RBPJ: variants seen among roughly 807,000 people sequenced by gnomAD.
The protein encoded by RBPJ is recombination signal binding protein for immunoglobulin kappa J region, also known as recombining binding protein suppressor of hairless.
In RBPJ, 9 loss-of-function variants were observed where a neutral mutation model predicts 67.8. The ratio of observed to expected loss-of-function variants is 0.13; its 90% confidence interval spans 0.08 to 0.23. The LOEUF is 0.23. Ranked by LOEUF, RBPJ falls within the 10% of genes least tolerant of loss-of-function variation. The pLI, the probability that RBPJ is intolerant of heterozygous loss-of-function variation, is 1.00. For missense variants in RBPJ, 305 were observed against 595.6 expected (o/e 0.51, Z 5.08); for synonymous variants, 198 against 203.3 (o/e 0.97, Z 0.22).
intron 1 of RBPJ, among the ~76,000 whole-genome samples, chr4:26,308,230 C>T (rs1340908469): frequency 2.6e-5 from 4 of 151,818 alleles, no homozygotes; most frequent in Middle Eastern, 3.2e-3. Flanking sequence ...GAGCCGAGAT[C>T]GGGCCACTGC....
chr4:26,254,755 G>A, intron 1 of RBPJ, among the ~76,000 whole-genome samples: 1 of 142,926 alleles, frequency 7.0e-6, no homozygotes, highest in Non-Finnish European at 1.5e-5. Context: ...TCGGCTCACT[G>A]CAGCCTCTGC....
chr4:26,123,830 C>T, the RBPJ span, among the ~76,000 whole-genome samples: 35 of 152,138 alleles, frequency 2.3e-4, no homozygotes, highest in Non-Finnish European at 3.5e-4. Context: ...TCTTGTTCCA[C>T]TGGAAGGTCT....
chr4:26,370,876 C>T (rs1355158337), intron 1 of RBPJ, among the ~76,000 whole-genome samples: 1 of 151,868 alleles, frequency 6.6e-6, no homozygotes, highest in Non-Finnish European at 1.5e-5. Context: ...ATAAGGAGAT[C>T]GAGACAATCC....
intron 1 of RBPJ, chr4:26,272,526 A>T (rs1720948303): frequency 2.0e-5 from 7 of 352,042 alleles, no homozygotes; most frequent in South Asian, 1.7e-4. Context: ...AGCTGTGATC[A>T]TGCCACTTCA....
Position 26,253,972 on chromosome 4 carries a change from T to A in RBPJ, c.-167+90358T>A, listed in dbSNP as rs1288426135. On this transcript the variant is annotated intron_variant, in intron 1 of 4. Coordinates refer to the RBPJ transcript ENST00000512351. ...AAGTGATGATAGTCATGTTTAAAGGTTTTGGAGTTTTGTTTTACTCATACA... is the reference window on the plus strand; with the variant it reads ...AAGTGATGATAGTCATGTTTAAAGGATTTGGAGTTTTGTTTTACTCATACA... Among the ~76,000 whole-genome samples, 3 of 148,856 alleles carry A rather than the reference T, an allele frequency of 2.0e-5. 1 individual carries two copies. The highest frequency in any genetic ancestry group is 5.2e-5 in the African/African-American group (2 of 38,286).
chr4:26,400,316 A>G (rs1424354043), intron 2 of RBPJ, among the ~76,000 whole-genome samples: 1 of 152,226 alleles, frequency 6.6e-6, no homozygotes, highest in African/African-American at 2.4e-5. Context: ...AATTCAAGGA[A>G]GGGTGCTACT....
chr4:26,105,680 G>A, the RBPJ span, among the ~76,000 whole-genome samples: 4 of 152,164 alleles, frequency 2.6e-5, no homozygotes, highest in Non-Finnish European at 5.9e-5. Context: ...AACACGGAAA[G>A]ATTGAAACAA....
At chr4:26,401,880 T>G (rs2109721407) in intron 2 of RBPJ, among the ~76,000 whole-genome samples, 1 of 150,330 alleles carries the variant, frequency 6.7e-6, no homozygotes, top group Admixed American at 6.6e-5. Flanking sequence ...TTTCTTTTTC[T>G]TTCTTTCTTT....
chr4:26,249,579 T>G (rs1291145698), intron 1 of RBPJ, among the ~76,000 whole-genome samples: 2 of 151,790 alleles, frequency 1.3e-5, no homozygotes, highest in Non-Finnish European at 2.9e-5. Flanking sequence ...GAGAATCTCT[T>G]GAACCTGGGA....
chr4:26,272,516 A>G (rs1720948019), intron 1 of RBPJ: 1 of 337,722 alleles, frequency 3.0e-6, no homozygotes. Flanking sequence ...GGCTGCAATG[A>G]GCTGTGATCA....
intron 1 of RBPJ, among the ~76,000 whole-genome samples, chr4:26,353,435 T>C (rs1727012812): frequency 6.6e-6 from 1 of 152,212 alleles, no homozygotes; most frequent in African/African-American, 2.4e-5. Flanking sequence ...TCCTGCAAGT[T>C]ACTTCACAAC....
chr4:26,207,907 G>A (rs1176264665), intron 1 of RBPJ, among the ~76,000 whole-genome samples: 1 of 152,162 alleles, frequency 6.6e-6, no homozygotes, highest in African/African-American at 2.4e-5. Context: ...ACTTGTTGTG[G>A]CAGCACTGAC....
intron 1 of RBPJ, among the ~76,000 whole-genome samples, chr4:26,301,199 C>T (rs1002355492): frequency 1.3e-5 from 2 of 152,046 alleles, no homozygotes; most frequent in African/African-American, 2.4e-5. Context: ...AGGAACATAC[C>T]CAAGGATTCC....
At chr4:26,156,644 G>C in the RBPJ span, among the ~76,000 whole-genome samples, 2,212 of 148,946 alleles carry the variant, frequency 0.015, 27 homozygotes, top group Non-Finnish European at 0.026. Context: ...TAGTAGACAT[G>C]GGGTTTCACT....
rs756986803 is a variant in RBPJ at position 26,244,911 on chromosome 4, G to A, written c.-167+81297G>A. On this transcript the variant is annotated intron_variant, in intron 1 of 4. Coordinates refer to the RBPJ transcript ENST00000512351. ...AGCCTCGCAAAGTGCTAGGATTACA[G>A]GCATGAATTTTAATTTCTAATAAGA... 1.2e-3 allele frequency among the ~76,000 whole-genome samples: 184 copies of A among 151,988 alleles called. 1 individual carries two copies. The highest frequency in any genetic ancestry group is 1.9e-3 in the Non-Finnish European group (131 of 67,974).
At chr4:26,237,366 AT>A (rs1017764266) in intron 1 of RBPJ, among the ~76,000 whole-genome samples, 4 of 152,160 alleles carry the variant, frequency 2.6e-5, no homozygotes, top group African/African-American at 9.7e-5. Context: ...AAAAATCATT[AT>A]GGTCGAATAA....
intron 1 of RBPJ, among the ~76,000 whole-genome samples, chr4:26,262,951 A>T (rs997923116): frequency 6.6e-6 from 1 of 152,134 alleles, no homozygotes; most frequent in African/African-American, 2.4e-5. Flanking sequence ...GCTACATGTC[A>T]TCTGGCTCCA....
At chr4:26,346,710 C>T (rs185893034) in intron 1 of RBPJ, among the ~76,000 whole-genome samples, 10 of 152,198 alleles carry the variant, frequency 6.6e-5, no homozygotes, top group South Asian at 2.1e-4. Flanking sequence ...CTGTATTGGC[C>T]GGGCGCTGCG....
the RBPJ span, chr4:26,112,522 A>G: frequency 6.8e-6 from 1 of 147,530 alleles, no homozygotes; most frequent in South Asian, 2.1e-4. Context: ...AAAAATGGAC[A>G]AGGCTTCTAT....
Sources: gnomAD v4.1 joint callset for allele counts (sites outside exome capture counted in the v4.1 genomes callset) on GRCh38, gnomAD v4.1.1 for gene constraint, MANE v1.5 for transcripts, NCBI Gene and HGNC (gene_info 2026-07-23, HGNC 2026-07-21) for gene names.